The following ULK4 variants were observed in gnomAD, a reference collection of about 807,000 sequenced individuals.
ULK4 encodes the protein inactive serine/threonine-protein kinase ULK4.
In ULK4, 133 loss-of-function variants were observed where a neutral mutation model predicts 160.6. That is an observed-to-expected ratio of 0.83 (90% CI 0.72 to 0.96). The LOEUF is 0.96. Ranked by LOEUF, ULK4 falls within the 40% of genes least tolerant of loss-of-function variation. The pLI is 0.00. For synonymous variants in ULK4, 534 were observed against 539.8 expected (o/e 0.99, Z 0.15); for missense variants, 1,580 against 1,499.5 (o/e 1.05, Z -0.89).
intron 34 of ULK4, among the ~76,000 whole-genome samples, chr3:41,441,147 T>C (rs2083157613): frequency 1.3e-5 from 2 of 152,116 alleles, no homozygotes; most frequent in Admixed American, 1.3e-4. Flanking sequence ...TTTGATTTGA[T>C]TTCTGTAATC....
rs1467416350 is a variant in ULK4 at position 41,408,392 on chromosome 3, C to T, written c.3493-10128G>A. On this transcript the variant is annotated intron_variant, in intron 34 of 36. Coordinates refer to ENST00000301831, the MANE Select transcript of ULK4 (RefSeq NM_017886.4). The stretch of plus-strand genomic sequence containing the variant: ...GCAATGAGCCGAGATCGCACCACTG[C>T]ACTCCAGCCTGGGTGACAAAGTGAG... Among the ~76,000 whole-genome samples the T allele has an allele frequency of 8.9e-5, 12 of 135,152 alleles. No homozygotes were observed. In the Admixed American group the frequency reaches 9.9e-4, roughly 11 times the overall value. The allele number at this position is 135,152 out of a possible 152,430, so 88.7% of individuals were successfully genotyped here.
intron 35 of ULK4, among the ~76,000 whole-genome samples, chr3:41,292,320 G>A (rs1334899292): frequency 3.9e-5 from 6 of 152,070 alleles, no homozygotes; most frequent in Non-Finnish European, 8.8e-5. Flanking sequence ...ATAAACAGAG[G>A]CTCAGAAGGA....
At chr3:41,325,405 T>C (rs1180315520) in intron 35 of ULK4, among the ~76,000 whole-genome samples, 5 of 152,288 alleles carry the variant, frequency 3.3e-5, no homozygotes, top group East Asian at 1.9e-4. Flanking sequence ...AAGATCAGAA[T>C]TGAACTCCAT....
At chr3:41,649,585 G>C (rs540210597) in intron 30 of ULK4, among the ~76,000 whole-genome samples, 1 of 152,200 alleles carries the variant, frequency 6.6e-6, no homozygotes, top group African/African-American at 2.4e-5. Flanking sequence ...GGGGGTGTCC[G>C]TGCTCAGGGT....
rs2038728019 is a variant in ULK4, at chr3:41,754,426, G to A, written c.2256C>T (p.Ala752=). The A allele has an allele frequency of 6.2e-7, 1 of 1,613,756 alleles. No homozygotes were observed. The highest frequency in any genetic ancestry group is 1.3e-5 in the African/African-American group (1 of 74,990). ...DSPSTCIRAK[A]FLVLLYILIY... The stretch of plus-strand genomic sequence containing the variant: ...TCAAAATATATAGAAGAACCAGGAA[G>A]GCTTTTGCTCTAATGCATGTTGAGG... The change falls in exon 22 of 37, where the codon GCC becomes GCT. Residue 752 remains alanine, a synonymous_variant. Coordinates refer to ENST00000301831, the MANE Select transcript of ULK4 (RefSeq NM_017886.4).
chr3:41,337,426 A>G (rs961423567), intron 35 of ULK4, among the ~76,000 whole-genome samples: 1 of 151,772 alleles, frequency 6.6e-6, no homozygotes, highest in Non-Finnish European at 1.5e-5. Flanking sequence ...CTCTGTTCTG[A>G]GGGGTGAGGA....
At chr3:41,590,688 G>A (rs902468522) in intron 31 of ULK4, among the ~76,000 whole-genome samples, 2 of 150,404 alleles carry the variant, frequency 1.3e-5, no homozygotes, top group African/African-American at 4.9e-5. Context: ...AATTTCACTA[G>A]ATTGGATTAC....
At chr3:41,780,612 G>C (rs1227251918) in intron 21 of ULK4, among the ~76,000 whole-genome samples, 1 of 152,098 alleles carries the variant, frequency 6.6e-6, no homozygotes, top group Non-Finnish European at 1.5e-5. Flanking sequence ...ATTAAGAAGA[G>C]AGCCACACTG....
At chr3:41,683,196 G>T (rs868141985) in intron 27 of ULK4, among the ~76,000 whole-genome samples, 1 of 152,002 alleles carries the variant, frequency 6.6e-6, no homozygotes, top group Non-Finnish European at 1.5e-5. Context: ...ATGTTTAACC[G>T]TGGCTTTTAC....
chr3:41,796,641 TATTAAA>T (rs2040308347), intron 20 of ULK4, among the ~76,000 whole-genome samples: 1 of 152,090 alleles, frequency 6.6e-6, no homozygotes, highest in Non-Finnish European at 1.5e-5. Context: ...AATTCTGAGG[TATTAAA>T]ATTAAAATAT....
At chr3:41,692,878 A>G (rs1047852427) in intron 27 of ULK4, among the ~76,000 whole-genome samples, 4 of 152,162 alleles carry the variant, frequency 2.6e-5, no homozygotes, top group Admixed American at 6.5e-5. Context: ...GTGTGAATAC[A>G]TATGCACATT....
intron 35 of ULK4, among the ~76,000 whole-genome samples, chr3:41,320,301 CT>C (rs1367321001): frequency 1.3e-5 from 2 of 152,158 alleles, no homozygotes; most frequent in African/African-American, 4.8e-5. Flanking sequence ...GGGGAAAGTC[CT>C]GTGTAAACCA....
chr3:41,449,372 T>C (rs1166227206), intron 34 of ULK4, among the ~76,000 whole-genome samples: 1 of 152,134 alleles, frequency 6.6e-6, no homozygotes, highest in African/African-American at 2.4e-5. Context: ...TTTAACCCTG[T>C]TGAATCTGAG....
Position 41,334,538 on chromosome 3 carries a change from T to A in ULK4, c.3678+63541A>T, listed in dbSNP as rs370140944. On this transcript the variant is annotated intron_variant, in intron 35 of 36. Transcript: ENST00000301831. ...ATACTTTAAAGCATGCCCATAAATA[T>A]ATATAAAAAGTGAGCCACAGGAAGC... Among the ~76,000 whole-genome samples the A allele has an allele frequency of 3.9e-5, 6 of 152,106 alleles. No individual in the cohort carries two copies. In the East Asian group the frequency reaches 7.7e-4, roughly 20 times the overall value.
At chr3:41,843,351 G>A (rs558687791) in intron 17 of ULK4, among the ~76,000 whole-genome samples, 5 of 152,320 alleles carry the variant, frequency 3.3e-5, no homozygotes, top group East Asian at 1.9e-4. Context: ...TACTGTGTCC[G>A]GAATTGGTGG....
chr3:41,345,567 T>C (rs999183026), intron 35 of ULK4, among the ~76,000 whole-genome samples: 4 of 152,126 alleles, frequency 2.6e-5, no homozygotes, highest in Non-Finnish European at 5.9e-5. Flanking sequence ...AAGTGGGAGC[T>C]GAATGATGAG....
At chr3:41,926,563 G>C (rs1268036574) in intron 5 of ULK4, among the ~76,000 whole-genome samples, 1 of 152,236 alleles carries the variant, frequency 6.6e-6, no homozygotes, top group East Asian at 1.9e-4. Flanking sequence ...AGCTAAAGAA[G>C]CATGTTCTAA....
At chr3:41,789,897 C>G (rs1230411855) in intron 20 of ULK4, 54 bp from the exon 21 acceptor site, 2 of 1,414,224 alleles carry the variant, frequency 1.4e-6, no homozygotes, top group Non-Finnish European at 1.9e-6. Flanking sequence ...ATCAATCATT[C>G]CCCTGAAAGG....
chr3:41,667,788 G>GAA (rs916906310), intron 29 of ULK4, among the ~76,000 whole-genome samples: 18 of 152,188 alleles, frequency 1.2e-4, no homozygotes, highest in Non-Finnish European at 2.9e-5. Context: ...ATCCAGGCAG[G>GAA]AAAGACCATT....
Sources: gnomAD v4.1 joint callset for allele counts (sites outside exome capture counted in the v4.1 genomes callset) on GRCh38, gnomAD v4.1.1 for gene constraint, MANE v1.5 for transcripts, NCBI Gene and HGNC (gene_info 2026-07-23, HGNC 2026-07-21) for gene names.